NAALADL2: variants seen among roughly 807,000 people sequenced by gnomAD.
NAALADL2 encodes N-acetylated alpha-linked acidic dipeptidase like 2, also known as inactive N-acetylated-alpha-linked acidic dipeptidase-like protein 2.
NAALADL2 carries 76 observed loss-of-function variants against 87.2 expected under a neutral mutation model. That is an observed-to-expected ratio of 0.87 (90% CI 0.72 to 1.05). The LOEUF (loss-of-function observed/expected upper bound fraction) is 1.05. Among genes scored for constraint, NAALADL2 ranks in the 50% least tolerant of loss-of-function variants. The pLI is 0.00. For missense variants in NAALADL2, 1,089 were observed against 945.8 expected, an observed-to-expected ratio of 1.15 and a Z score of -1.99; for synonymous variants, 354 against 331.0, an observed-to-expected ratio of 1.07 and a Z score of -0.75.
rs145636042 is a variant in NAALADL2 at position 174,970,160 on chromosome 3, G to C, written c.43+110710G>C. Reference sequence around the variant, plus strand: ...ACCCTTAAAGGATGACTTAGAACCAGGTAGATAAAAAATGAGATTGATTGT... The same window carrying C: ...ACCCTTAAAGGATGACTTAGAACCACGTAGATAAAAAATGAGATTGATTGT... On this transcript the variant is annotated intron_variant, in intron 1 of 13. Coordinates refer to ENST00000454872, the MANE Select transcript of NAALADL2 (RefSeq NM_207015.3). Among the ~76,000 whole-genome samples the C allele has an allele frequency of 1.6e-3, 243 of 152,128 alleles. 2 individuals carry two copies. The highest frequency in any genetic ancestry group is 5.4e-3 in the African/African-American group (226 of 41,522).
chr3:174,722,188 G>C (rs573213072), intron 2 of NAALADL2, among the ~76,000 whole-genome samples: 9 of 152,164 alleles, frequency 5.9e-5, no homozygotes, highest in Non-Finnish European at 1.0e-4. Context: ...AATCCTCCAT[G>C]TTCCTGGAAA....
At chr3:174,639,713 A>T (rs556087764) in intron 2 of NAALADL2, among the ~76,000 whole-genome samples, 3 of 152,304 alleles carry the variant, frequency 2.0e-5, no homozygotes, top group African/African-American at 7.2e-5. Flanking sequence ...TCCGAAAAGA[A>T]TTTTGAAAAA....
At chr3:174,742,442 T>G (rs1733852495) in intron 3 of NAALADL2, among the ~76,000 whole-genome samples, 1 of 151,684 alleles carries the variant, frequency 6.6e-6, no homozygotes, top group African/African-American at 2.4e-5. Context: ...TGTGGTCAGT[T>G]TTTTAGAGCC....
At chr3:174,653,360 G>T (rs1724575664) in intron 2 of NAALADL2, among the ~76,000 whole-genome samples, 1 of 152,000 alleles carries the variant, frequency 6.6e-6, no homozygotes, top group South Asian at 2.1e-4. Context: ...CTTTTTTTGT[G>T]TGTTCATTAT....
chr3:174,782,238 A>G (rs1022448718), intron 3 of NAALADL2, among the ~76,000 whole-genome samples: 2 of 152,134 alleles, frequency 1.3e-5, no homozygotes, highest in African/African-American at 4.8e-5. Context: ...TTACATTTCA[A>G]TCAAAGGTGT....
intron 1 of NAALADL2, among the ~76,000 whole-genome samples, chr3:174,917,590 C>G (rs1734583852): frequency 6.6e-6 from 1 of 152,090 alleles, no homozygotes; most frequent in South Asian, 2.1e-4. Flanking sequence ...TAGAGACACA[C>G]TATTATCTTG....
intron 3 of NAALADL2, among the ~76,000 whole-genome samples, chr3:175,237,591 A>G (rs1345281193): frequency 6.6e-6 from 1 of 152,166 alleles, no homozygotes. Context: ...ATCCCTTTAA[A>G]TGAAACAGTT....
intron 1 of NAALADL2, among the ~76,000 whole-genome samples, chr3:174,982,896 C>T (rs1319037754): frequency 6.6e-6 from 1 of 152,054 alleles, no homozygotes; most frequent in Non-Finnish European, 1.5e-5. Context: ...CTCCTGGGTT[C>T]ACGCCATTCT....
intron 2 of NAALADL2, among the ~76,000 whole-genome samples, chr3:174,718,857 A>G (rs773318442): frequency 6.6e-6 from 1 of 152,242 alleles, no homozygotes; most frequent in Admixed American, 6.5e-5. Context: ...ATAAGTCAGC[A>G]GATTATAATA....
Position 174,941,420 on chromosome 3 carries a change from G to C in NAALADL2, c.43+81970G>C, listed in dbSNP as rs1198432725. On this transcript the variant is annotated intron_variant, in intron 1 of 13. Transcript: ENST00000454872. Reference sequence around the variant, plus strand: ...TGTGGATTGTTTTATATCAAATTATGTGGCTGATTTTAGATTATGTGCCGT... The same window carrying C: ...TGTGGATTGTTTTATATCAAATTATCTGGCTGATTTTAGATTATGTGCCGT... Among the ~76,000 whole-genome samples, 4 of 152,188 alleles carry C rather than the reference G, an allele frequency of 2.6e-5. No homozygotes were observed. In the East Asian group the frequency reaches 7.7e-4, roughly 29 times the overall value.
chr3:175,384,581 C>T (rs1023813997), intron 5 of NAALADL2, among the ~76,000 whole-genome samples: 3 of 151,800 alleles, frequency 2.0e-5, no homozygotes, highest in Admixed American at 2.0e-4. Context: ...TAAAAATAAA[C>T]TTTTAAATGC....
intron 12 of NAALADL2, among the ~76,000 whole-genome samples, chr3:175,752,686 C>T (rs990738271): frequency 5.3e-5 from 8 of 152,036 alleles, no homozygotes; most frequent in African/African-American, 1.9e-4. Context: ...GTTCCTGAAG[C>T]TGTCAGTTCT....
chr3:175,353,111 T>C (rs990897468), intron 5 of NAALADL2, among the ~76,000 whole-genome samples: 1 of 107,102 alleles, frequency 9.3e-6, no homozygotes, highest in East Asian at 2.3e-4. Flanking sequence ...TAATAAAATG[T>C]GTGTGTGTGT....
At chr3:175,115,210 TC>T in intron 2 of NAALADL2, 1 of 151,666 alleles carries the variant, frequency 6.6e-6, no homozygotes, top group East Asian at 1.9e-4. Context: ...AATTTTTGCT[TC>T]TGAGAGTAGA....
At chr3:174,508,178 A>G (rs1472187378) in intron 1 of NAALADL2, among the ~76,000 whole-genome samples, 1 of 134,606 alleles carries the variant, frequency 7.4e-6, no homozygotes, top group Non-Finnish European at 1.5e-5. Context: ...CAGTGGCACG[A>G]TTTCGGCTCA....
At chr3:175,488,783 G>T (rs1727657629) in intron 9 of NAALADL2, among the ~76,000 whole-genome samples, 1 of 152,292 alleles carries the variant, frequency 6.6e-6, no homozygotes, top group East Asian at 1.9e-4. Flanking sequence ...AAACGTGTTT[G>T]TACTTAGACC....
intron 11 of NAALADL2, among the ~76,000 whole-genome samples, chr3:175,690,153 T>C (rs186684947): frequency 8.9e-4 from 136 of 152,222 alleles, no homozygotes; most frequent in Non-Finnish European, 1.6e-3. Flanking sequence ...GAGTTTTTAT[T>C]CCAGATTTCC....
chr3:175,180,829 A>T (rs1241188139), intron 2 of NAALADL2, among the ~76,000 whole-genome samples: 1 of 151,976 alleles, frequency 6.6e-6, no homozygotes, highest in African/African-American at 2.4e-5. Flanking sequence ...CAATGGATCT[A>T]TCAGAAACAT....
At chr3:175,749,569 A>T (rs1014603183) in intron 12 of NAALADL2, among the ~76,000 whole-genome samples, 8 of 151,958 alleles carry the variant, frequency 5.3e-5, no homozygotes, top group African/African-American at 1.9e-4. Context: ...GAGAGAACCC[A>T]CTCCTGAAAG....
Sources: gnomAD v4.1 joint callset for allele counts (sites outside exome capture counted in the v4.1 genomes callset) on GRCh38, gnomAD v4.1.1 for gene constraint, MANE v1.5 for transcripts, NCBI Gene and HGNC (gene_info 2026-07-23, HGNC 2026-07-21) for gene names.